Variants in INPP4A observed in about 807,000 individuals in gnomAD.
INPP4A encodes the protein inositol polyphosphate-4-phosphatase, type I, 107kD.
In INPP4A, 33 loss-of-function variants were observed where a neutral mutation model predicts 119.8. That is an observed-to-expected ratio of 0.28 (90% CI 0.21 to 0.37). The LOEUF is 0.37. INPP4A is among the 10% of genes least tolerant of loss of function. The probability of loss-of-function intolerance (pLI) is 1.00; values close to 1 mark genes in which losing one functional copy is unlikely to be tolerated. For synonymous variants in INPP4A, 496 were observed against 500.7 expected, an observed-to-expected ratio of 0.99 and a Z score of 0.12; for missense variants, 956 against 1,289.9, an observed-to-expected ratio of 0.74 and a Z score of 3.97.
At chr2:98,484,118 C>A (rs1366139770) in intron 1 of INPP4A, among the ~76,000 whole-genome samples, 2 of 152,118 alleles carry the variant, frequency 1.3e-5, no homozygotes, top group African/African-American at 4.8e-5. Flanking sequence ...ATCCCCTCCA[C>A]TCCTGTCCCT....
intron 1 of INPP4A, among the ~76,000 whole-genome samples, chr2:98,493,414 TTTTCTA>T (rs1313529236): frequency 6.0e-5 from 9 of 149,558 alleles, no homozygotes; most frequent in South Asian, 4.2e-4. Context: ...TGACTGTTAT[TTTTCTA>T]TTTCTATTTT....
intron 1 of INPP4A, among the ~76,000 whole-genome samples, chr2:98,451,489 G>T (rs1219658098): frequency 6.6e-6 from 1 of 152,024 alleles, no homozygotes; most frequent in Non-Finnish European, 1.5e-5. Context: ...TCCGGTCCTG[G>T]GATCCTCCTA....
intron 8 of INPP4A, among the ~76,000 whole-genome samples, chr2:98,538,268 G>A (rs138826199): frequency 3.3e-5 from 5 of 152,272 alleles, no homozygotes; most frequent in African/African-American, 1.2e-4. Flanking sequence ...CTGCAGTCAG[G>A]GGGCAACTTG....
chr2:98,460,100 C>CGTGTGTGTGTGTGTGTGTGTGT (rs3066275), intron 1 of INPP4A, among the ~76,000 whole-genome samples: 116 of 147,104 alleles, frequency 7.9e-4, no homozygotes, highest in African/African-American at 2.8e-3. Flanking sequence ...GTTTGGTCAT[C>CGTGTGTGTGTGTGTGTGTGTGT]GTGTGTGTGT....
rs1024457080 is a variant in INPP4A, at chr2:98,561,726, C to T, written c.1856-1739C>T. On this transcript the variant is annotated intron_variant, in intron 17 of 24. Transcript: ENST00000409851. ...TTGATCATTTTCAGATTAAAATAAT[C>T]ATGATTTTCATGATATGCATGACAG... Among the ~76,000 whole-genome samples the T allele has an allele frequency of 3.3e-4, 51 of 152,268 alleles. 1 individual carries two copies. Among genetic ancestry groups the T allele is most frequent in the African/African-American group, 1.2e-3 (51 of 41,556 alleles).
At chr2:98,520,636 CAG>C (rs1395769382) in intron 3 of INPP4A, 49 bp from the exon 4 acceptor site, 6 of 1,190,584 alleles carry the variant, frequency 5.0e-6, no homozygotes, top group East Asian at 5.2e-5. Flanking sequence ...AATCTGAAAA[CAG>C]AGAAAAGTTT....
At chr2:98,495,121 A>C (rs950401558) in intron 1 of INPP4A, among the ~76,000 whole-genome samples, 1 of 152,176 alleles carries the variant, frequency 6.6e-6, no homozygotes, top group Non-Finnish European at 1.5e-5. Flanking sequence ...TAGTATCCAG[A>C]GTTGCTACAG....
intron 24 of INPP4A, among the ~76,000 whole-genome samples, chr2:98,586,826 T>TACCAGAACTTG (rs70940118): frequency 0.021 from 3,250 of 152,312 alleles, 44 homozygotes; most frequent in Middle Eastern, 0.075. Flanking sequence ...GGCTGGCTGC[T>TACCAGAACTTG]ACCAGAACTT....
chr2:98,538,038 A>G (rs1690658674), intron 8 of INPP4A, 64 bp downstream of exon 8: 2 of 1,122,104 alleles, frequency 1.8e-6, no homozygotes, highest in Non-Finnish European at 2.6e-6. Context: ...GTAAAAATGC[A>G]GCCCTCGTGG....
At chr2:98,471,278 C>G (rs1204302215) in intron 1 of INPP4A, among the ~76,000 whole-genome samples, 4 of 152,172 alleles carry the variant, frequency 2.6e-5, no homozygotes. Context: ...AGTTACTTCA[C>G]AGTCATTCCA....
rs79006721 is a variant in INPP4A at position 98,529,781 on chromosome 2, T to A, written c.152-3596T>A. On this transcript the variant is annotated intron_variant, in intron 4 of 24. Transcript: ENST00000409851. ...ACAAAAAATACAGAATTGTGTACTT[T>A]AAGAGGGTGAACTTTATGATATGTG... Among the ~76,000 whole-genome samples, 457 of 152,194 alleles carry A rather than the reference T, an allele frequency of 3.0e-3. 4 individuals are homozygous for A. Among genetic ancestry groups the A allele is most frequent in the African/African-American group, 0.01 (434 of 41,512 alleles).
At chr2:98,447,578 C>T (rs921121521) in intron 1 of INPP4A, among the ~76,000 whole-genome samples, 1 of 151,766 alleles carries the variant, frequency 6.6e-6, no homozygotes, top group African/African-American at 2.4e-5. Context: ...GATATAGTTT[C>T]AGACTTACAG....
chr2:98,565,397 T>C (rs1299048166), intron 19 of INPP4A, among the ~76,000 whole-genome samples: 1 of 152,138 alleles, frequency 6.6e-6, no homozygotes, highest in Non-Finnish European at 1.5e-5. Context: ...CAAGAAATAG[T>C]GGGAAGGGAT....
In INPP4A at chr2:98,591,281, G is replaced by A; in HGVS notation, c.*3673G>A. On this transcript the variant is annotated 3_prime_UTR_variant, in exon 25 of 25. Transcript: ENST00000409851. Reference sequence around the variant, plus strand: ...TAAAGTGCTCACTGGCACCTTGCTTGGTGCATGGGCCATGCTCAGTTTAAT... The same window carrying A: ...TAAAGTGCTCACTGGCACCTTGCTTAGTGCATGGGCCATGCTCAGTTTAAT... 6.0e-6 allele frequency: 1 copy of A among 166,120 alleles called. No homozygotes were observed. Among genetic ancestry groups the A allele is most frequent in the Non-Finnish European group, 1.3e-5 (1 of 76,342 alleles). 10.3% of individuals were successfully genotyped at this position (166,120 alleles called of 1,614,324 possible).
intron 1 of INPP4A, among the ~76,000 whole-genome samples, chr2:98,489,560 T>C (rs1478172428): frequency 6.6e-6 from 1 of 152,050 alleles, no homozygotes; most frequent in East Asian, 1.9e-4. Flanking sequence ...TCGATAACAT[T>C]GGTACCAAGC....
At chr2:98,567,788 C>G (rs943264032) in intron 21 of INPP4A, among the ~76,000 whole-genome samples, 23 of 152,248 alleles carry the variant, frequency 1.5e-4, no homozygotes, top group African/African-American at 5.1e-4. Flanking sequence ...GGGATGGCCC[C>G]CAAGGGAGCA....
At chr2:98,561,271 C>G (rs1695424484) in intron 17 of INPP4A, among the ~76,000 whole-genome samples, 1 of 152,210 alleles carries the variant, frequency 6.6e-6, no homozygotes, top group Admixed American at 6.5e-5. Context: ...CGACGTCACT[C>G]AGGACATTGT....
chr2:98,506,804 C>T (rs1223559161), intron 1 of INPP4A, among the ~76,000 whole-genome samples: 1 of 152,198 alleles, frequency 6.6e-6, no homozygotes. Context: ...TGGACTTTGC[C>T]TCCTGGAGTG....
chr2:98,495,900 C>T lies in INPP4A; in HGVS notation c.-165-23064C>T, dbSNP rs184613609. Among the ~76,000 whole-genome samples the T allele has an allele frequency of 9.9e-4, 150 of 152,280 alleles. 1 individual carries two copies. The highest frequency in any genetic ancestry group is 2.6e-4 in the Non-Finnish European group (18 of 68,020). ...GATTCTCTACAGAATGTAGATTTTT[C>T]CCCACAAGAGACAGCTTTGCAGGGC... is the stretch of plus-strand genomic sequence containing the variant. On this transcript the variant is annotated intron_variant, in intron 1 of 24. Transcript: ENST00000409851.
Sources: gnomAD v4.1 joint callset for allele counts (sites outside exome capture counted in the v4.1 genomes callset) on GRCh38, gnomAD v4.1.1 for gene constraint, MANE v1.5 for transcripts, NCBI Gene and HGNC (gene_info 2026-07-23, HGNC 2026-07-21) for gene names.